The following ALS2 variants were observed in gnomAD, a reference collection of about 807,000 sequenced individuals.
ALS2 encodes alsin.
Under a neutral mutation model 203.4 loss-of-function variants are expected in ALS2, and 117 were observed. The ratio of observed to expected loss-of-function variants is 0.58; its 90% CI spans 0.50 to 0.67. The LOEUF (loss-of-function observed/expected upper bound fraction) is 0.67. Ranked by LOEUF, ALS2 falls within the 30% of genes least tolerant of loss-of-function variation. The pLI, the probability that ALS2 is intolerant of heterozygous loss-of-function variation, is 0.00. For synonymous variants in ALS2, 718 were observed against 725.9 expected, an observed-to-expected ratio of 0.99 and a Z score of 0.17; for missense variants, 1,715 against 1,989.4, an observed-to-expected ratio of 0.86 and a Z score of 2.62.
At chr2:201,744,499 TG>T in intron 9 of ALS2, 70 bp from the exon 10 acceptor site, 1 of 1,488,760 alleles carries the variant, frequency 6.7e-7, no homozygotes, top group Non-Finnish European at 9.2e-7. Flanking sequence ...ATACTGAAGC[TG>T]GCTTATATCA....
intron 14 of ALS2, 141 bp downstream of exon 14, chr2:201,728,911 G>A: frequency 1.5e-6 from 2 of 1,325,110 alleles, no homozygotes; most frequent in South Asian, 2.4e-5. Context: ...GTACCCATTA[G>A]TATGGTCCTT....
At chr2:201,747,640 G>A (rs1012314361) in intron 8 of ALS2, among the ~76,000 whole-genome samples, 5 of 152,060 alleles carry the variant, frequency 3.3e-5, no homozygotes, top group African/African-American at 1.2e-4. Context: ...TAGTAGAGAC[G>A]GGGTTTCACC....
Position 201,751,557 on chromosome 2 carries a change from G to C in ALS2, c.1737+1589C>G, listed in dbSNP as rs562787468. On this transcript the variant is annotated intron_variant, in intron 7 of 33. Coordinates refer to ENST00000264276, the MANE Select transcript of ALS2 (RefSeq NM_020919.4). ...TTGACAACTGTTCCTTTATATATAA[G>C]TGCAGCAACACTTTATCACATATGT... Among the ~76,000 whole-genome samples the C allele has an allele frequency of 2.0e-5, 3 of 152,122 alleles. No individual in the cohort carries two copies. In the South Asian group the frequency reaches 6.2e-4, roughly 32 times the overall value.
At chr2:201,721,085 TA>T (rs1690765283) in intron 23 of ALS2, among the ~76,000 whole-genome samples, 1 of 152,162 alleles carries the variant, frequency 6.6e-6, no homozygotes, top group South Asian at 2.1e-4. Context: ...ATAGCATCAA[TA>T]AAATACTTAG....
In ALS2 at chr2:201,757,479, G is replaced by A. The variant is rs574944877; in HGVS notation, c.1394C>T (p.Ser465Leu). 6.2e-7 allele frequency: 1 copy of A among 1,613,938 alleles called. No homozygotes were observed. Among genetic ancestry groups the A allele is most frequent in the East Asian group, 2.2e-5 (1 of 44,882 alleles). Residue 465 changes from serine to leucine, a missense_variant, in exon 5 of 34, where the codon TCA becomes TTA. Around this residue, in one of 3 missense-constraint regions of ALS2, gnomAD observed 12 missense variants for 36.6 expected, o/e 0.33. Coordinates refer to ENST00000264276, the MANE Select transcript of ALS2 (RefSeq NM_020919.4). ...KQESMQGKKS[S>L]SLVDIREEET... ...TTCTTCTCTGATATCCACAAGACTTGAACTTTTCTTTCCTTGCATTGATTC... is the reference window on the plus strand; with the variant it reads ...TTCTTCTCTGATATCCACAAGACTTAAACTTTTCTTTCCTTGCATTGATTC...
intron 7 of ALS2, among the ~76,000 whole-genome samples, chr2:201,750,013 A>G (rs1281061797): frequency 6.6e-6 from 1 of 152,124 alleles, no homozygotes; most frequent in African/African-American, 2.4e-5. Context: ...ACAGAGTCCA[A>G]AAATTAGCTG....
At chr2:201,739,474 G>T (rs528748384) in intron 11 of ALS2, among the ~76,000 whole-genome samples, 4 of 152,008 alleles carry the variant, frequency 2.6e-5, no homozygotes, top group Non-Finnish European at 5.9e-5. Flanking sequence ...TGGGGGCGGT[G>T]GCTCACTCCT....
chr2:201,767,912 A>G (rs539567853), intron 2 of ALS2, among the ~76,000 whole-genome samples: 2 of 151,952 alleles, frequency 1.3e-5, no homozygotes, highest in Non-Finnish European at 2.9e-5. Flanking sequence ...TAAACCCACA[A>G]ATTACTTTTC....
chr2:201,714,051 G>A (rs1690213828), intron 25 of ALS2, among the ~76,000 whole-genome samples: 2 of 152,172 alleles, frequency 1.3e-5, no homozygotes, highest in Admixed American at 1.3e-4. Context: ...TGAGACCGAG[G>A]CAGGAGGATT....
rs534748623 is a variant in ALS2 at position 201,755,285 on chromosome 2, G to A, written c.1472-614C>T. On this transcript the variant is annotated intron_variant, in intron 5 of 33. Coordinates refer to ENST00000264276, the MANE Select transcript of ALS2 (RefSeq NM_020919.4). The stretch of plus-strand genomic sequence containing the variant: ...CTGTCTCTTTTTTTTTTCTTGAGAC[G>A]GAGTTTCGCTCTTGTCATCCAGGCT... Among the ~76,000 whole-genome samples, 150 of 151,920 alleles carry A rather than the reference G, an allele frequency of 9.9e-4. 1 individual carries two copies. The highest frequency in any genetic ancestry group is 3.4e-3 in the Middle Eastern group (1 of 294).
chr2:201,767,527 G>C, intron 2 of ALS2, 144 bp from the exon 3 acceptor site: 1 of 929,374 alleles, frequency 1.1e-6, no homozygotes, highest in Non-Finnish European at 1.6e-6. Context: ...TTATGCTTTG[G>C]TTATGCTCAC....
rs1333300720 is a variant in ALS2 at position 201,741,679 on chromosome 2, A to G, written c.2346T>C (p.Tyr782=). 7 of 1,613,832 alleles carry G rather than the reference A, an allele frequency of 4.3e-6. No individual in the cohort carries two copies. Among genetic ancestry groups the G allele is most frequent in the Admixed American group, 1.7e-5 (1 of 60,008 alleles). ...ACACGGGACTGGATACTTGCTCTGTATAACTATCCAAGAAGAGACTTGAAT... is the reference window on the plus strand; with the variant it reads ...ACACGGGACTGGATACTTGCTCTGTGTAACTATCCAAGAAGAGACTTGAAT... ...LKHSSLFLDS[Y]TEYCTSITNF... Residue 782 remains tyrosine (Y), a synonymous_variant, in exon 11 of 34, where the codon TAT becomes TAC. Transcript: ENST00000264276.
intron 24 of ALS2, chr2:201,716,781 G>A (rs1355473482): frequency 5.3e-5 from 8 of 150,834 alleles, no homozygotes; most frequent in Non-Finnish European, 1.2e-4. Context: ...TTAGAACAAG[G>A]ACTTTCTGAA....
Position 201,710,992 on chromosome 2 carries a change from T to C in ALS2, c.4121A>G (p.Lys1374Arg). ...AATGTAATTTTTACTCTAGTTTACC[T>C]TTATTAAATATTTCCTGATGTCATC... ...KYDDIRKYLI[K>R]ACDTPLHPLG... Residue 1374 changes from lysine (K) to arginine (R), a missense_variant and splice_region_variant, in exon 26 of 34, where the codon AAG becomes AGG. By Grantham distance (26) the Lys-to-Arg change is conservative. Transcript: ENST00000264276. 6.3e-7 allele frequency: 1 copy of C among 1,577,946 alleles called. No homozygotes were observed. The highest frequency in any genetic ancestry group is 8.7e-7 in the Non-Finnish European group (1 of 1,147,360).
intron 3 of ALS2, among the ~76,000 whole-genome samples, chr2:201,764,962 A>C (rs1694001994): frequency 6.6e-6 from 1 of 152,026 alleles, no homozygotes; most frequent in South Asian, 2.1e-4. Flanking sequence ...CCTTGAAGGT[A>C]TGATTCTAAA....
chr2:201,727,069 C>G (rs1243348087), intron 17 of ALS2, 143 bp downstream of exon 17: 1 of 931,166 alleles, frequency 1.1e-6, no homozygotes, highest in Non-Finnish European at 1.7e-6. Flanking sequence ...AATGAAGAAC[C>G]TACAGTTTTG....
Position 201,776,969 on chromosome 2 carries a change from T to C in ALS2, c.-61+3908A>G, listed in dbSNP as rs1157660523. 2.0e-5 allele frequency among the ~76,000 whole-genome samples: 3 copies of C among 152,334 alleles called. No homozygotes were observed. In the East Asian group the frequency reaches 5.8e-4, roughly 29 times the overall value. On this transcript the variant is annotated intron_variant, in intron 1 of 33. Transcript: ENST00000264276. Reference sequence around the variant, plus strand: ...ATTGTCATCAGGTTACTTACTAATATCTATAGAGACAACTATTTTCTTTGA... The same window carrying C: ...ATTGTCATCAGGTTACTTACTAATACCTATAGAGACAACTATTTTCTTTGA...
intron 3 of ALS2, among the ~76,000 whole-genome samples, chr2:201,764,627 CCG>C (rs1350144258): frequency 1.4e-5 from 2 of 143,096 alleles, no homozygotes; most frequent in Non-Finnish European, 3.1e-5. Flanking sequence ...GAGCGAGACT[CCG>C]TCTCAAAATA....
intron 4 of ALS2, among the ~76,000 whole-genome samples, chr2:201,759,082 C>A (rs1388842023): frequency 3.9e-5 from 6 of 152,106 alleles, no homozygotes; most frequent in Non-Finnish European, 7.4e-5. Context: ...CTTACATAAG[C>A]AGTGATGGTA....
Sources: allele counts gnomAD v4.1 joint callset (sites outside exome capture counted in the v4.1 genomes callset), GRCh38; gene constraint gnomAD v4.1.1; regional missense constraint gnomAD v4.1.1; transcripts MANE v1.5; gene names NCBI Gene and HGNC (gene_info 2026-07-23, HGNC 2026-07-21).